Variants in PDLIM2 observed in about 807,000 individuals in gnomAD.
The protein encoded by PDLIM2 is PDZ and LIM domain protein 2.
In PDLIM2, 51 loss-of-function variants were observed where a neutral mutation model predicts 54.1. That is an observed-to-expected ratio of 0.94 (90% CI 0.75 to 1.19). The LOEUF (loss-of-function observed/expected upper bound fraction) is 1.19. Among genes scored for constraint, PDLIM2 ranks in the 50% most tolerant of loss-of-function variants. PDLIM2 has a pLI of 0.00. For missense variants in PDLIM2, 912 were observed against 874.0 expected (o/e 1.04, Z -0.55); for synonymous variants, 398 against 385.6 (o/e 1.03, Z -0.38).
chr8:22,584,823 C>G, exon 4 of PDLIM2: 3 of 1,614,104 alleles, frequency 1.9e-6, no homozygotes, highest in Non-Finnish European at 2.5e-6. Flanking sequence ...CTTCTCAGGT[C>G]TCAGGCTACG....
exon 2 of PDLIM2, chr8:22,580,652 T>C: frequency 6.2e-7 from 1 of 1,614,050 alleles, no homozygotes; most frequent in Non-Finnish European, 8.5e-7. Context: ...GGGGCTTCCG[T>C]ATCACAGGGG....
Position 22,589,390 on chromosome 8 carries a change from G to A in PDLIM2, c.1367+16G>A, listed in dbSNP as rs1444292691. The A allele has an allele frequency of 1.1e-5, 17 of 1,535,838 alleles. No individual in the cohort carries two copies. In the East Asian group the frequency reaches 2.7e-4, roughly 24 times the overall value. ...CCAGGCCCAGGTACCAGCAGGCCCC[G>A]GAGGGTCGGGTTGGGGTCTTGGAAG... On this transcript the variant is annotated intron_variant, in intron 7 of 9. Coordinates refer to ENST00000308354, the Ensembl canonical transcript of PDLIM2.
intron 6 of PDLIM2, 44 bp from the exon 6 acceptor site, chr8:22,589,254 A>G (rs1800463288): frequency 1.3e-6 from 2 of 1,530,800 alleles, no homozygotes; most frequent in Non-Finnish European, 1.7e-6. Flanking sequence ...GTGTTGGCCC[A>G]AGGCTCTGGC....
At chr8:22,587,119 G>C (rs1483960038) in intron 6 of PDLIM2, among the ~76,000 whole-genome samples, 4 of 152,178 alleles carry the variant, frequency 2.6e-5, no homozygotes, top group African/African-American at 9.7e-5. Context: ...GGGCTCTGGG[G>C]ATGCAATCGT....
chr8:22,581,229 A>C (rs1336215553), intron 2 of PDLIM2, 150 bp from the exon 2 acceptor site: 1 of 995,774 alleles, frequency 1.0e-6, no homozygotes, highest in African/African-American at 1.6e-5. Context: ...ATGGCTGATC[A>C]GCTGGGTGTC....
At chr8:22,587,557 TC>T (rs1457263413) in intron 6 of PDLIM2, among the ~76,000 whole-genome samples, 1 of 152,086 alleles carries the variant, frequency 6.6e-6, no homozygotes, top group Non-Finnish European at 1.5e-5. Flanking sequence ...AGCACACATT[TC>T]GAGAGGTGTT....
intron 6 of PDLIM2, chr8:22,585,633 G>GTACCCCTCCCCT: frequency 2.0e-5 from 1 of 51,048 alleles, no homozygotes; most frequent in Non-Finnish European, 3.3e-5. Flanking sequence ...TCCATCTCCT[G>GTACCCCTCCCCT]CACCCCTCCC....
intron 9 of PDLIM2, 75 bp downstream of exon 8, chr8:22,591,743 C>T: frequency 7.3e-7 from 1 of 1,375,386 alleles, no homozygotes; most frequent in Non-Finnish European, 1.0e-6. Context: ...TGGATGCTTT[C>T]AGGAAGGGCC....
In PDLIM2 at chr8:22,578,799, G is replaced by A. The variant is rs569941884; in HGVS notation, c.20G>A (p.Arg7Gln). 1.5e-5 allele frequency: 19 copies of A among 1,234,360 alleles called. No individual in the cohort carries two copies. In the East Asian group the frequency reaches 6.0e-4, roughly 39 times the overall value. The allele number at this position is 1,234,360 out of a possible 1,614,324, so 76.5% of individuals were successfully genotyped here. A position where few individuals can be genotyped will look rare whatever the true frequency, so the allele number is the denominator to read the frequency against. Residue 7 changes from arginine (R) to glutamine (Q), a missense_variant, in exon 1 of 10, where the codon CGG becomes CAG. By Grantham distance (43) the Arg-to-Gln change is conservative (BLOSUM62 1). Coordinates refer to ENST00000308354, the Ensembl canonical transcript of PDLIM2. The stretch of plus-strand genomic sequence containing the variant: ...CTGGGGATGCGGGGCGGGAGAGCGC[G>A]GCCGGCGTGGGAGAGCTTTATGGGG...
In PDLIM2 at chr8:22,584,440, C is replaced by T. The variant is rs1431320515; in HGVS notation, c.996-381C>T. ...CCTCCCACCTCAACCTCCCAAGTAG[C>T]TGGGACTACCGGCATGCACCACCAT... On this transcript the variant is annotated intron_variant, in intron 3 of 9. Coordinates refer to ENST00000308354, the Ensembl canonical transcript of PDLIM2. Among the ~76,000 whole-genome samples the T allele has an allele frequency of 3.9e-5, 6 of 152,230 alleles. No individual in the cohort carries two copies. In the East Asian group the frequency reaches 1.2e-3, roughly 29 times the overall value.
chr8:22,580,456 C>G lies in PDLIM2; in HGVS notation c.749-147C>G. ...GGCTGAGGGAGGGAGTTAGCCACTT[C>G]CTCTACCCACCCCAAAGCCCCTGAG... On this transcript the variant is annotated intron_variant, in intron 1 of 9. Transcript: ENST00000308354. 6.6e-7 allele frequency: 1 copy of G among 1,508,698 alleles called. No homozygotes were observed. Among genetic ancestry groups the G allele is most frequent in the Non-Finnish European group, 8.9e-7 (1 of 1,129,902 alleles). 93.5% of individuals were successfully genotyped at this position (1,508,698 alleles called of 1,614,324 possible). A position where few individuals can be genotyped will look rare whatever the true frequency, so the allele number is the denominator to read the frequency against.
At chr8:22,586,859 C>T (rs1052998026) in intron 6 of PDLIM2, among the ~76,000 whole-genome samples, 9 of 152,202 alleles carry the variant, frequency 5.9e-5, no homozygotes, top group African/African-American at 2.2e-4. Flanking sequence ...GGAAATGCAA[C>T]TTCCCAGGCT....
At position 22,579,184 on chromosome 8, in the gene PDLIM2, C is replaced by CCT; in HGVS notation, c.406_407insTC (p.Arg136LeufsTer119). ...GGCGTCTCCCCGCCTTCCCTCCCTC[C>CCT]CGGGCCTGGGCGCCCAGCCGGACAG... On this transcript the variant is annotated frameshift_variant, in exon 1 of 10. Transcript: ENST00000308354. LOFTEE classifies it high-confidence loss of function. 7.2e-7 allele frequency: 1 copy of CCT among 1,381,402 alleles called. No homozygotes were observed. Among genetic ancestry groups the CCT allele is most frequent in the Non-Finnish European group, 9.4e-7 (1 of 1,069,264 alleles). 85.6% of individuals were successfully genotyped at this position (1,381,402 alleles called of 1,614,324 possible).
chr8:22,581,539 T>C lies in PDLIM2; in HGVS notation c.995+9T>C, dbSNP rs1181095126. The C allele has an allele frequency of 6.4e-7, 1 of 1,564,326 alleles. No homozygotes were observed. The highest frequency in any genetic ancestry group is 1.7e-5 in the Admixed American group (1 of 57,164). On this transcript the variant is annotated intron_variant, in intron 3 of 9. Transcript: ENST00000308354. ...CGGCTGCAGCTGGACCGGTAGGGCC[T>C]CCCGCTCTGCAGAGCCTGTGGCATT...
rs1472697937 is a variant in PDLIM2, at chr8:22,593,722, C to T, written c.1632-11C>T. ...TGTGGCTCTGAGCTAAAGCCTCTCC[C>T]TCCCCTTCAGGAACCAGGCTGTGCG... is the stretch of plus-strand genomic sequence containing the variant. On this transcript the variant is annotated splice_polypyrimidine_tract_variant and intron_variant, in intron 9 of 9. Transcript: ENST00000308354. 1.9e-6 allele frequency: 3 copies of T among 1,568,138 alleles called. No homozygotes were observed. The highest frequency in any genetic ancestry group is 1.7e-6 in the Non-Finnish European group (2 of 1,156,840).
intron 3 of PDLIM2, among the ~76,000 whole-genome samples, chr8:22,584,260 C>G (rs1800303131): frequency 6.6e-6 from 1 of 151,210 alleles, no homozygotes; most frequent in African/African-American, 2.4e-5. Context: ...GAGATTCACC[C>G]TCCTTGGCCT....
chr8:22,580,459 C>T lies in PDLIM2; in HGVS notation c.749-144C>T. On this transcript the variant is annotated intron_variant, in intron 1 of 9. Coordinates refer to ENST00000308354, the Ensembl canonical transcript of PDLIM2. ...TGAGGGAGGGAGTTAGCCACTTCCTCTACCCACCCCAAAGCCCCTGAGTAG... is the reference window on the plus strand; with the variant it reads ...TGAGGGAGGGAGTTAGCCACTTCCTTTACCCACCCCAAAGCCCCTGAGTAG... 6.6e-7 allele frequency: 1 copy of T among 1,514,120 alleles called. No homozygotes were observed. Among genetic ancestry groups the T allele is most frequent in the Non-Finnish European group, 8.8e-7 (1 of 1,132,548 alleles). 93.8% of individuals were successfully genotyped at this position (1,514,120 alleles called of 1,614,324 possible). A position where few individuals can be genotyped will look rare whatever the true frequency, so the allele number is the denominator to read the frequency against.
exon 1 of PDLIM2, chr8:22,578,763 C>A: frequency 8.1e-7 from 1 of 1,233,664 alleles, no homozygotes; most frequent in Non-Finnish European, 1.0e-6. Flanking sequence ...GCAGCCCACC[C>A]TGCCCAGGAC....
At chr8:22,589,314 C>A in exon 7 of PDLIM2, 1 of 1,534,236 alleles carries the variant, frequency 6.5e-7, no homozygotes, top group East Asian at 2.4e-5. Flanking sequence ...CTCGGCCGCG[C>A]TGGCGACTCG....
Sources: gnomAD v4.1 joint callset for allele counts (sites outside exome capture counted in the v4.1 genomes callset) on GRCh38, gnomAD v4.1.1 for gene constraint, MANE v1.5 for transcripts, NCBI Gene and HGNC (gene_info 2026-07-23, HGNC 2026-07-21) for gene names.